The following TMEM135 variants were observed in gnomAD, a reference collection of about 807,000 sequenced individuals.
TMEM135 encodes peroxisomal membrane protein 52.
A neutral mutation model predicts 60.3 loss-of-function variants in TMEM135; 30 were observed. The ratio of observed to expected loss-of-function variants is 0.50; its 90% CI spans 0.37 to 0.68. The LOEUF is 0.68. Among genes scored for constraint, TMEM135 ranks in the 30% least tolerant of loss-of-function variants. The pLI is 0.00. For missense variants in TMEM135, 468 were observed against 548.8 expected (o/e 0.85, Z 1.47); for synonymous variants, 190 against 186.7 (o/e 1.02, Z -0.14).
At chr11:87,281,484 T>C (rs1791886784) in intron 6 of TMEM135, among the ~76,000 whole-genome samples, 1 of 152,212 alleles carries the variant, frequency 6.6e-6, no homozygotes, top group Admixed American at 6.5e-5. Context: ...TTAAATATTA[T>C]CACACTTAAA....
At chr11:87,305,026 T>A (rs1942515641) in intron 8 of TMEM135, among the ~76,000 whole-genome samples, 1 of 152,206 alleles carries the variant, frequency 6.6e-6, no homozygotes, top group Admixed American at 6.5e-5. Context: ...TGGTTTACAA[T>A]TAAATCACAA....
intron 3 of TMEM135, among the ~76,000 whole-genome samples, chr11:87,075,388 T>C (rs1856851131): frequency 6.6e-6 from 1 of 152,138 alleles, no homozygotes; most frequent in African/African-American, 2.4e-5. Flanking sequence ...TCTCCGGACC[T>C]CGTGATCTGC....
At chr11:87,160,523 T>C (rs1938842770) in intron 5 of TMEM135, among the ~76,000 whole-genome samples, 1 of 152,158 alleles carries the variant, frequency 6.6e-6, no homozygotes. Flanking sequence ...AACCCTTGTC[T>C]CCAAAGTTCA....
At chr11:87,206,673 C>G (rs562949020) in intron 5 of TMEM135, among the ~76,000 whole-genome samples, 1 of 152,134 alleles carries the variant, frequency 6.6e-6, no homozygotes, top group African/African-American at 2.4e-5. Flanking sequence ...ATTGAGTTAC[C>G]TAAAATAAAA....
At chr11:87,087,260 T>C (rs1857115654) in intron 3 of TMEM135, among the ~76,000 whole-genome samples, 1 of 149,328 alleles carries the variant, frequency 6.7e-6, no homozygotes, top group Non-Finnish European at 1.5e-5. Flanking sequence ...GCATGGGGCT[T>C]GGTTTGGTTA....
At chr11:87,144,788 T>A (rs1938365420) in intron 4 of TMEM135, among the ~76,000 whole-genome samples, 1 of 151,822 alleles carries the variant, frequency 6.6e-6, no homozygotes, top group Non-Finnish European at 1.5e-5. Context: ...ATAATTTTGT[T>A]AGTGATGTAT....
intron 4 of TMEM135, among the ~76,000 whole-genome samples, chr11:87,148,731 A>T (rs1203913445): frequency 2.0e-5 from 3 of 152,210 alleles, no homozygotes; most frequent in Non-Finnish European, 2.9e-5. Flanking sequence ...TATATGTATC[A>T]TTAATAATAG....
At chr11:87,297,344 T>C (rs1942364390) in intron 7 of TMEM135, among the ~76,000 whole-genome samples, 1 of 152,200 alleles carries the variant, frequency 6.6e-6, no homozygotes, top group African/African-American at 2.4e-5. Flanking sequence ...GTCTACTGTA[T>C]GATAAGAATG....
intron 3 of TMEM135, among the ~76,000 whole-genome samples, chr11:87,083,425 T>C (rs1024633169): frequency 6.6e-6 from 1 of 152,250 alleles, no homozygotes; most frequent in African/African-American, 2.4e-5. Context: ...TGATATTTAG[T>C]ATTAGTTAAG....
rs1555097237 is a variant in TMEM135, at chr11:87,058,344, A to ATTT, written c.142-9345_142-9343dup. Among the ~76,000 whole-genome samples, 91 of 151,674 alleles carry ATTT rather than the reference A, an allele frequency of 6.0e-4. 1 individual carries two copies. The East Asian group carries it at 0.011, about 18-fold the overall frequency. On this transcript the variant is annotated intron_variant, in intron 1 of 14. Transcript: ENST00000305494. ...TGCCTCCTTTATTATTATTATTATT[A>ATTT]TTTTTTTGACAGTCTTGCTCTGTCA...
chr11:87,232,024 C>T (rs562031443), intron 5 of TMEM135, among the ~76,000 whole-genome samples: 1 of 151,486 alleles, frequency 6.6e-6, no homozygotes, highest in East Asian at 1.9e-4. Context: ...CAATCTCACT[C>T]ACTGCAACCT....
At chr11:87,257,790 T>C (rs1447017887) in intron 6 of TMEM135, among the ~76,000 whole-genome samples, 1 of 152,182 alleles carries the variant, frequency 6.6e-6, no homozygotes, top group Non-Finnish European at 1.5e-5. Flanking sequence ...CTAAAAGTAA[T>C]TGTGGTGATG....
intron 5 of TMEM135, among the ~76,000 whole-genome samples, chr11:87,231,784 AG>A (rs1186437977): frequency 6.6e-6 from 1 of 151,804 alleles, no homozygotes; most frequent in Admixed American, 6.6e-5. Flanking sequence ...ATATGGAAAT[AG>A]GGGGAAAAAG....
At chr11:87,177,491 T>TATA (rs1438053558) in intron 5 of TMEM135, among the ~76,000 whole-genome samples, 2 of 152,204 alleles carry the variant, frequency 1.3e-5, no homozygotes, top group Non-Finnish European at 2.9e-5. Context: ...TTTATTGTGG[T>TATA]ATAATAGCCA....
rs1352557221 is a variant in TMEM135 at position 87,309,677 on chromosome 11, G to A, written c.936+5G>A. ...TCTTTTGTTAGTATATACAAGGTAAGGCTTTTAGAAGAGGAAAGAAAAATG... is the reference window on the plus strand; with the variant it reads ...TCTTTTGTTAGTATATACAAGGTAAAGCTTTTAGAAGAGGAAAGAAAAATG... On this transcript the variant is annotated splice_donor_5th_base_variant and intron_variant, in intron 10 of 14. Transcript: ENST00000305494. 6.2e-7 allele frequency: 1 copy of A among 1,612,850 alleles called. No homozygotes were observed. Among genetic ancestry groups the A allele is most frequent in the Non-Finnish European group, 8.5e-7 (1 of 1,179,436 alleles).
intron 5 of TMEM135, among the ~76,000 whole-genome samples, chr11:87,211,437 A>G (rs1940367281): frequency 6.6e-6 from 1 of 152,200 alleles, no homozygotes; most frequent in Non-Finnish European, 1.5e-5. Flanking sequence ...TAAAAAGTAT[A>G]TTGAAGAGAA....
At chr11:87,060,620 C>T (rs1163685778) in intron 1 of TMEM135, among the ~76,000 whole-genome samples, 1 of 151,602 alleles carries the variant, frequency 6.6e-6, no homozygotes, top group Non-Finnish European at 1.5e-5. Flanking sequence ...GTAACTTCGT[C>T]TCTCTGTACT....
At chr11:87,096,271 C>A in intron 4 of TMEM135, 1 of 272,304 alleles carries the variant, frequency 3.7e-6, no homozygotes. Context: ...TGTTAAAAGC[C>A]ATCTTCTCTT....
chr11:87,167,632 C>G (rs1344018395), intron 5 of TMEM135, among the ~76,000 whole-genome samples: 1 of 152,092 alleles, frequency 6.6e-6, no homozygotes, highest in Non-Finnish European at 1.5e-5. Context: ...GTATGTTGAA[C>G]CAGCCTTGCA....
Sources: gnomAD v4.1 joint callset for allele counts (sites outside exome capture counted in the v4.1 genomes callset) on GRCh38, gnomAD v4.1.1 for gene constraint, MANE v1.5 for transcripts, NCBI Gene and HGNC (gene_info 2026-07-23, HGNC 2026-07-21) for gene names.